The following QKI variants were observed in gnomAD, a reference collection of about 807,000 sequenced individuals.
QKI encodes the protein KH domain-containing RNA-binding protein QKI.
In QKI, 10 loss-of-function variants were observed where a neutral mutation model predicts 39.0. The observed-to-expected ratio is 0.26, with a 90% CI of 0.16 to 0.43. The LOEUF (loss-of-function observed/expected upper bound fraction) is 0.43. Ranked by LOEUF, QKI falls within the 20% of genes least tolerant of loss-of-function variation. The pLI, the probability that QKI is intolerant of heterozygous loss-of-function variation, is 1.00. For synonymous variants in QKI, 204 were observed against 155.4 expected, an observed-to-expected ratio of 1.31 and a Z score of -2.33; for missense variants, 218 against 428.0, an observed-to-expected ratio of 0.51 and a Z score of 4.33.
chr6:163,542,683 CT>C (rs1781612314), intron 4 of QKI, among the ~76,000 whole-genome samples: 1 of 151,942 alleles, frequency 6.6e-6, no homozygotes, highest in African/African-American at 2.4e-5. Context: ...AGGTCTTTTT[CT>C]TTATGGTGAG....
chr6:163,433,864 C>T (rs1442100653), intron 1 of QKI, among the ~76,000 whole-genome samples: 3 of 152,106 alleles, frequency 2.0e-5, no homozygotes, highest in Non-Finnish European at 4.4e-5. Context: ...AAAATGTGTA[C>T]ATACACATTT....
chr6:163,422,859 G>C lies in QKI; in HGVS notation c.142+7524G>C, dbSNP rs1412816782. Reference sequence around the variant, plus strand: ...TTGTAGAGACTGGGCCTGATCTCCTGGTCAGTAGCAAATCATTGGGGAGCC... The same window carrying C: ...TTGTAGAGACTGGGCCTGATCTCCTCGTCAGTAGCAAATCATTGGGGAGCC... On this transcript the variant is annotated intron_variant, in intron 1 of 7. Transcript: ENST00000361752. 2.0e-5 allele frequency among the ~76,000 whole-genome samples: 3 copies of C among 152,180 alleles called. No individual in the cohort carries two copies. The East Asian group carries it at 5.8e-4, about 29-fold the overall frequency.
chr6:163,426,289 T>C (rs1002584603), intron 1 of QKI, among the ~76,000 whole-genome samples: 1 of 152,014 alleles, frequency 6.6e-6, no homozygotes, highest in African/African-American at 2.4e-5. Flanking sequence ...TGTTCAGGGC[T>C]TGTTCCTTTA....
Position 163,457,497 on chromosome 6 carries a change from G to A in QKI, c.285+2076G>A, listed in dbSNP as rs903413370. On this transcript the variant is annotated intron_variant, in intron 2 of 7. Coordinates refer to ENST00000361752, the MANE Select transcript of QKI (RefSeq NM_006775.3). ...TTGGACCATAGTATCTACGCTTTCTGGGAACTGTAAATGTTCAAGCCCCTT... is the reference window on the plus strand; with the variant it reads ...TTGGACCATAGTATCTACGCTTTCTAGGAACTGTAAATGTTCAAGCCCCTT... The A allele has an allele frequency of 6.6e-6, 3 of 455,568 alleles. No homozygotes were observed. The Admixed American group carries it at 7.0e-5, about 11-fold the overall frequency. 28.2% of individuals were successfully genotyped at this position (455,568 alleles called of 1,614,324 possible). A position where few individuals can be genotyped will look rare whatever the true frequency, so the allele number is the denominator to read the frequency against.
At chr6:163,444,685 C>A (rs902073228) in intron 1 of QKI, among the ~76,000 whole-genome samples, 3 of 152,010 alleles carry the variant, frequency 2.0e-5, no homozygotes, top group African/African-American at 7.2e-5. Context: ...TTATATTTAA[C>A]ATATATTTTG....
chr6:163,506,403 A>G (rs748619717), intron 3 of QKI, among the ~76,000 whole-genome samples: 1 of 152,186 alleles, frequency 6.6e-6, no homozygotes, highest in Non-Finnish European at 1.5e-5. Flanking sequence ...ATGATTAAGA[A>G]TATTTCTGTA....
At chr6:163,525,782 C>T (rs879383097) in intron 3 of QKI, among the ~76,000 whole-genome samples, 10 of 152,170 alleles carry the variant, frequency 6.6e-5, no homozygotes, top group Admixed American at 1.3e-4. Context: ...CAAAGGCAGA[C>T]GAGTGTCATC....
intron 1 of QKI, among the ~76,000 whole-genome samples, chr6:163,433,957 TCTG>T (rs1789044113): frequency 6.6e-6 from 1 of 152,226 alleles, no homozygotes; most frequent in African/African-American, 2.4e-5. Flanking sequence ...ATTTTTCTAT[TCTG>T]TTTCATTTTT....
intron 2 of QKI, among the ~76,000 whole-genome samples, chr6:163,471,989 AAAG>A (rs1183476642): frequency 6.6e-6 from 1 of 152,164 alleles, no homozygotes; most frequent in Non-Finnish European, 1.5e-5. Context: ...TAGAGATAAT[AAAG>A]AAGGCCACTT....
chr6:163,542,372 G>A (rs898392911), intron 4 of QKI, among the ~76,000 whole-genome samples: 3 of 151,930 alleles, frequency 2.0e-5, no homozygotes, highest in African/African-American at 7.3e-5. Context: ...AAACACACAA[G>A]AATGGTGAAA....
intron 1 of QKI, among the ~76,000 whole-genome samples, chr6:163,426,790 G>C (rs1259874620): frequency 6.6e-6 from 1 of 152,154 alleles, no homozygotes; most frequent in Non-Finnish European, 1.5e-5. Context: ...ATTATTACTT[G>C]GTTCTCAAAG....
intron 3 of QKI, among the ~76,000 whole-genome samples, chr6:163,481,586 C>G (rs1420893170): frequency 6.6e-6 from 1 of 152,190 alleles, no homozygotes; most frequent in Non-Finnish European, 1.5e-5. Flanking sequence ...ATGCTATGTA[C>G]TTCTAATGCT....
chr6:163,543,731 G>A (rs1298110857), intron 4 of QKI, among the ~76,000 whole-genome samples: 1 of 151,978 alleles, frequency 6.6e-6, no homozygotes, highest in East Asian at 1.9e-4. Context: ...AGAATGAGTT[G>A]ATCCATGTTC....
At chr6:163,462,195 A>G (rs893693481) in intron 2 of QKI, among the ~76,000 whole-genome samples, 17 of 152,322 alleles carry the variant, frequency 1.1e-4, no homozygotes, top group Admixed American at 3.3e-4. Context: ...GGCTCAAGCA[A>G]TCTTCCTGCC....
chr6:163,494,177 A>G (rs1023394907), intron 3 of QKI, among the ~76,000 whole-genome samples: 3 of 152,228 alleles, frequency 2.0e-5, no homozygotes, highest in Non-Finnish European at 4.4e-5. Flanking sequence ...ATAGAAAATA[A>G]TACAAATAAA....
intron 4 of QKI, among the ~76,000 whole-genome samples, chr6:163,552,514 A>G (rs967606490): frequency 4.0e-5 from 6 of 151,744 alleles, no homozygotes; most frequent in African/African-American, 1.5e-4. Flanking sequence ...CCAGCCTCAT[A>G]AAGTTCTTTA....
intron 7 of QKI, 175 bp downstream of exon 7, chr6:163,566,970 T>A: frequency 7.2e-7 from 1 of 1,380,278 alleles, no homozygotes; most frequent in East Asian, 2.7e-5. Context: ...TGTTTTGGTT[T>A]GGTTTTTTCT....
chr6:163,565,857 AC>A, intron 6 of QKI: 1 of 1,556,000 alleles, frequency 6.4e-7, no homozygotes, highest in African/African-American at 1.4e-5. Context: ...ACAGATGCAG[AC>A]ATGTGTGTTG....
At chr6:163,496,908 A>G (rs1778449293) in intron 3 of QKI, among the ~76,000 whole-genome samples, 1 of 152,108 alleles carries the variant, frequency 6.6e-6, no homozygotes, top group African/African-American at 2.4e-5. Flanking sequence ...TCATCTTACC[A>G]TCAACAGCCC....
Sources: allele counts gnomAD v4.1 joint callset (sites outside exome capture counted in the v4.1 genomes callset), GRCh38; gene constraint gnomAD v4.1.1; transcripts MANE v1.5; gene names NCBI Gene and HGNC (gene_info 2026-07-23, HGNC 2026-07-21).